NCOR2: variants seen among roughly 807,000 people sequenced by gnomAD.
NCOR2 encodes CTG repeat protein 26.
In NCOR2, 81 loss-of-function variants were observed where a neutral mutation model predicts 262.9. That is an observed-to-expected ratio of 0.31 (90% confidence interval 0.26 to 0.37). The LOEUF (loss-of-function observed/expected upper bound fraction) is 0.37. Ranked by LOEUF, NCOR2 falls within the 10% of genes least tolerant of loss-of-function variation. The pLI is 1.00. For synonymous variants in NCOR2, 1,659 were observed against 1,559.3 expected, an observed-to-expected ratio of 1.06 and a Z score of -1.51; for missense variants, 3,385 against 3,621.4, an observed-to-expected ratio of 0.93 and a Z score of 1.68.
intron 28 of NCOR2, among the ~76,000 whole-genome samples, chr12:124,349,800 TC>T (rs2037281254): frequency 6.6e-6 from 1 of 151,974 alleles, no homozygotes; most frequent in African/African-American, 2.4e-5. Context: ...CACCAGCCCT[TC>T]CCAGGCTTCC....
upstream of NCOR2, among the ~76,000 whole-genome samples, chr12:124,496,031 T>C (rs752652734): frequency 1.3e-5 from 2 of 151,864 alleles, no homozygotes; most frequent in Non-Finnish European, 2.9e-5. This position sits in a 1 kb window ranked among gnomAD's most constrained non-coding sequence, Gnocchi z 4.4. Context: ...TAGGGATAGG[T>C]ACCCCAAACG....
At position 124,337,798 on chromosome 12, in the gene NCOR2, G is replaced by A. The variant is rs1593111334; in HGVS notation, c.5688-618C>T. On this transcript the variant is annotated intron_variant, in intron 37 of 46. Transcript: ENST00000405201. Reference sequence around the variant, plus strand: ...GCTGGGGCACAGCTGCCCCTGCACAGGGCTGGGGCTGGAACAGGAGCCGGC... The same window carrying A: ...GCTGGGGCACAGCTGCCCCTGCACAAGGCTGGGGCTGGAACAGGAGCCGGC... 2.1e-5 allele frequency among the ~76,000 whole-genome samples: 3 copies of A among 142,776 alleles called. No homozygotes were observed. In the East Asian group the frequency reaches 5.8e-4, roughly 27 times the overall value. 93.7% of individuals were successfully genotyped at this position (142,776 alleles called of 152,430 possible). A position where few individuals can be genotyped will look rare whatever the true frequency, so the allele number is the denominator to read the frequency against.
chr12:124,537,998 A>C (rs1366781657), upstream of NCOR2: 1 of 152,200 alleles, frequency 6.6e-6, no homozygotes, highest in Non-Finnish European at 1.5e-5. Context: ...CAGCTCCCGG[A>C]AGCCTCGGTG....
rs35831183 is a variant in NCOR2 at position 124,402,512 on chromosome 12, GGCT to G, written c.1529_1531del (p.Gln510del). 1,473 of 1,452,860 alleles carry G rather than the reference GGCT, an allele frequency of 1.0e-3. 5 individuals carry two copies. The highest frequency in any genetic ancestry group is 3.2e-3 in the South Asian group (260 of 81,720). The allele number at this position is 1,452,860 out of a possible 1,614,324, so 90.0% of individuals were successfully genotyped here. ...CTCCTCCTGGCTGCTGCGGGGCATGGGCTGCTGCTGCTGCTGCTGCTGCTGCTG... is the reference window on the plus strand; with the variant it reads ...CTCCTCCTGGCTGCTGCGGGGCATGGGCTGCTGCTGCTGCTGCTGCTGCTG... On this transcript the variant is annotated inframe_deletion, in exon 14 of 47. Coordinates refer to ENST00000405201, the Ensembl canonical transcript of NCOR2.
At chr12:124,458,009 G>A (rs1038430678) in intron 5 of NCOR2, among the ~76,000 whole-genome samples, 1 of 152,218 alleles carries the variant, frequency 6.6e-6, no homozygotes, top group Non-Finnish European at 1.5e-5. Flanking sequence ...GTGGGTTTGG[G>A]TGCCCCCTGC....
intron 2 of NCOR2, among the ~76,000 whole-genome samples, chr12:124,484,463 T>C (rs868174923): frequency 2.6e-5 from 4 of 152,178 alleles, no homozygotes; most frequent in African/African-American, 9.6e-5. Context: ...CCTCCACCTC[T>C]GAGGCTCCAA....
At position 124,523,997 on chromosome 12, in the gene NCOR2, C is replaced by T. The variant is rs1460363286; in HGVS notation, c.-118+11568G>A. Among the ~76,000 whole-genome samples the T allele has an allele frequency of 6.6e-6, 1 of 152,216 alleles. No homozygotes were observed. Among genetic ancestry groups the T allele is most frequent in the Non-Finnish European group, 1.5e-5 (1 of 68,046 alleles). ...AAACTGCTGTGGCCGTGGGCCTTGA[C>T]TTTCAGAAATGGCATCTCCAATGGT... is the stretch of plus-strand genomic sequence containing the variant. On this transcript the variant is annotated intron_variant, in intron 1 of 46. Coordinates refer to the NCOR2 transcript ENST00000404621. The surrounding 1 kb of genome is among the most constrained non-coding windows in gnomAD (Gnocchi z 4.0).
At chr12:124,476,383 G>A (rs780873508) in intron 3 of NCOR2, among the ~76,000 whole-genome samples, 1 of 152,216 alleles carries the variant, frequency 6.6e-6, no homozygotes, top group Non-Finnish European at 1.5e-5. Flanking sequence ...CGCACTACTG[G>A]TGGCAAGAAA....
chr12:124,368,072 G>A (rs1245103908), intron 20 of NCOR2, among the ~76,000 whole-genome samples: 3 of 152,200 alleles, frequency 2.0e-5, no homozygotes, highest in South Asian at 2.1e-4. Context: ...CTGCAGTTGC[G>A]AGCAAAGGCT....
rs553021733 is a variant in NCOR2, at chr12:124,331,040, G to A, written c.6905-142C>T. The A allele has an allele frequency of 3.0e-5, 23 of 762,502 alleles. No homozygotes were observed. The African/African-American group carries it at 3.2e-4, about 11-fold the overall frequency. 47.2% of individuals were successfully genotyped at this position (762,502 alleles called of 1,614,324 possible). A position where few individuals can be genotyped will look rare whatever the true frequency, so the allele number is the denominator to read the frequency against. On this transcript the variant is annotated intron_variant, in intron 43 of 46. Transcript: ENST00000405201. ...GCAGGTTCTCATGCAGCAGGCCTGG[G>A]ACAGGGCCAAGCGTCTGCATTTCTT...
intron 17 of NCOR2, 106 bp downstream of exon 19, chr12:124,385,639 C>A (rs950611411): frequency 1.3e-5 from 19 of 1,478,900 alleles, no homozygotes; most frequent in Non-Finnish European, 1.6e-5. Flanking sequence ...GGCATAATAG[C>A]CCCTCCCTGG....
At chr12:124,415,009 T>C (rs1033377450) in intron 13 of NCOR2, among the ~76,000 whole-genome samples, 4 of 152,162 alleles carry the variant, frequency 2.6e-5, no homozygotes, top group Admixed American at 6.5e-5. Flanking sequence ...AGAGGTACCC[T>C]GGGTGCCTGC....
chr12:124,411,662 A>G (rs929125372), intron 13 of NCOR2, among the ~76,000 whole-genome samples: 23 of 152,234 alleles, frequency 1.5e-4, no homozygotes, highest in African/African-American at 5.1e-4. Context: ...ATTCACTAGG[A>G]TAACGCGGCC....
rs2047467368 is a variant in NCOR2 at position 124,481,289 on chromosome 12, C to A, written c.411+2307G>T. On this transcript the variant is annotated intron_variant, in intron 3 of 46. Coordinates refer to ENST00000405201, the Ensembl canonical transcript of NCOR2. The surrounding 1 kb of genome is among the most constrained non-coding windows in gnomAD (Gnocchi z 4.6). ...CCGAGGGGGCAGTGCCCGAGAGGAA[C>A]TGGCATCGACACCAGTCCCAAGCCC... is the stretch of plus-strand genomic sequence containing the variant. Among the ~76,000 whole-genome samples the A allele has an allele frequency of 6.6e-6, 1 of 152,098 alleles. No homozygotes were observed. The highest frequency in any genetic ancestry group is 2.4e-5 in the African/African-American group (1 of 41,410).
intron 37 of NCOR2, among the ~76,000 whole-genome samples, chr12:124,339,030 A>C: frequency 1.1e-5 from 1 of 87,966 alleles, no homozygotes; most frequent in African/African-American, 4.6e-5. Context: ...TCACCCACCC[A>C]CCTACCTACC....
chr12:124,436,870 C>T (rs2044361250), intron 8 of NCOR2, among the ~76,000 whole-genome samples: 1 of 152,136 alleles, frequency 6.6e-6, no homozygotes, highest in African/African-American at 2.4e-5. Flanking sequence ...GGTGCATCAC[C>T]TGAGGTCGGG....
rs372644756 is a variant in NCOR2 at position 124,333,405 on chromosome 12, G to A, written c.6606-126C>T. On this transcript the variant is annotated intron_variant, in intron 41 of 46. Coordinates refer to ENST00000405201, the Ensembl canonical transcript of NCOR2. ...CGTGGCCAAATCATAAACGTTTTAGGCATTTTCGACCACAAGTAATCTCTG... is the reference window on the plus strand; with the variant it reads ...CGTGGCCAAATCATAAACGTTTTAGACATTTTCGACCACAAGTAATCTCTG... 133 of 868,946 alleles carry A rather than the reference G, an allele frequency of 1.5e-4. 1 individual carries two copies. The African/African-American group carries it at 2.0e-3, about 13-fold the overall frequency. The allele number at this position is 868,946 out of a possible 1,614,324, so 53.8% of individuals were successfully genotyped here.
At chr12:124,380,561 A>G (rs1478745039) in intron 17 of NCOR2, among the ~76,000 whole-genome samples, 1 of 152,124 alleles carries the variant, frequency 6.6e-6, no homozygotes, top group Non-Finnish European at 1.5e-5. Context: ...GCGGCCTGAG[A>G]AAGTGGTGGC....
chr12:124,432,400 A>G lies in NCOR2; in HGVS notation c.883-1613T>C, dbSNP rs1329428460. On this transcript the variant is annotated intron_variant, in intron 8 of 46. Coordinates refer to ENST00000405201, the Ensembl canonical transcript of NCOR2. This position sits in a 1 kb window ranked among gnomAD's most constrained non-coding sequence, Gnocchi z 5.1. ...CCTCCTCTGCAGAGGCCTGGTCCCA[A>G]ATGGAAGCCACCCACCATGTGTGGC... Among the ~76,000 whole-genome samples the G allele has an allele frequency of 6.6e-6, 1 of 152,072 alleles. No individual in the cohort carries two copies. Among genetic ancestry groups the G allele is most frequent in the Non-Finnish European group, 1.5e-5 (1 of 67,992 alleles).
Sources: gnomAD v4.1 joint callset for allele counts (sites outside exome capture counted in the v4.1 genomes callset) on GRCh38, gnomAD v4.1.1 for gene constraint, Gnocchi (gnomAD v3.1) non-coding constraint, MANE v1.5 for transcripts, NCBI Gene and HGNC (gene_info 2026-07-23, HGNC 2026-07-21) for gene names.